PHF24: variants seen among roughly 807,000 people sequenced by gnomAD.
The protein encoded by PHF24 is PHD finger protein 24.
PHF24 carries 25 observed loss-of-function variants against 42.6 expected under a neutral mutation model. The observed-to-expected ratio is 0.59, with a 90% CI of 0.43 to 0.82. The LOEUF is 0.82. Ranked by LOEUF, PHF24 falls within the 40% of genes least tolerant of loss-of-function variation. The pLI is 0.00. For synonymous variants in PHF24, 185 were observed against 204.8 expected, an observed-to-expected ratio of 0.90 and a Z score of 0.83; for missense variants, 470 against 538.1, an observed-to-expected ratio of 0.87 and a Z score of 1.25.
the PHF24 span, among the ~76,000 whole-genome samples, chr9:34,749,920 A>AATAATATG: frequency 1.3e-5 from 2 of 152,164 alleles, no homozygotes; most frequent in African/African-American, 4.8e-5. Context: ...GGCAGGAGAG[A>AATAATATG]ATAATATGAC....
the PHF24 span, among the ~76,000 whole-genome samples, chr9:34,675,150 G>A: frequency 2.0e-5 from 3 of 152,196 alleles, no homozygotes; most frequent in Admixed American, 1.3e-4. Flanking sequence ...GAGCCACTGC[G>A]CTGGGCAGGT....
chr9:34,969,995 T>A (rs1826917659), intron 1 of PHF24, among the ~76,000 whole-genome samples: 1 of 152,180 alleles, frequency 6.6e-6, no homozygotes, highest in African/African-American at 2.4e-5. Context: ...ACTTCTTTGG[T>A]TTCTAATATT....
chr9:34,970,210 G>T (rs1449164055), intron 1 of PHF24, among the ~76,000 whole-genome samples: 3 of 152,202 alleles, frequency 2.0e-5, no homozygotes, highest in African/African-American at 7.2e-5. Flanking sequence ...TAGCAGACCA[G>T]CTTTGCAATG....
chr9:34,824,237 A>G, the PHF24 span, among the ~76,000 whole-genome samples: 1 of 152,158 alleles, frequency 6.6e-6, no homozygotes, highest in Admixed American at 6.5e-5. Flanking sequence ...AGGGTCACAG[A>G]GTCTGGGGGC....
the PHF24 span, among the ~76,000 whole-genome samples, chr9:34,742,942 ATGTAT>A: frequency 0.78 from 118,163 of 151,506 alleles, 46,718 homozygotes; most frequent in East Asian, 0.95. Flanking sequence ...CCATTTGTTG[ATGTAT>A]TGTCTGTGGC....
the PHF24 span, among the ~76,000 whole-genome samples, chr9:34,680,211 C>T: frequency 1.3e-5 from 2 of 152,126 alleles, no homozygotes; most frequent in East Asian, 3.9e-4. Flanking sequence ...CCCATCTCTA[C>T]TAAAAATACA....
chr9:34,771,432 C>T, the PHF24 span, among the ~76,000 whole-genome samples: 1 of 152,160 alleles, frequency 6.6e-6, no homozygotes, highest in African/African-American at 2.4e-5. Flanking sequence ...TACGAGACCA[C>T]CATTGTGTAT....
chr9:34,976,125 AC>A, intron 3 of PHF24, 26 bp from the exon 4 acceptor site: 1 of 1,578,150 alleles, frequency 6.3e-7, no homozygotes, highest in Non-Finnish European at 8.7e-7. Flanking sequence ...CTGTATGGCC[AC>A]CGACTCAGCT....
the PHF24 span, among the ~76,000 whole-genome samples, chr9:34,860,889 G>A: frequency 3.3e-4 from 50 of 152,258 alleles, no homozygotes; most frequent in Middle Eastern, 3.4e-3. Flanking sequence ...AAGCAGCCAT[G>A]GACTGTGATC....
chr9:34,898,627 C>A, the PHF24 span, among the ~76,000 whole-genome samples: 1 of 152,196 alleles, frequency 6.6e-6, no homozygotes, highest in Non-Finnish European at 1.5e-5. Context: ...AATTAAAAGG[C>A]AGCTTGAGTC....
the PHF24 span, among the ~76,000 whole-genome samples, chr9:34,904,737 A>G: frequency 2.8e-5 from 4 of 143,042 alleles, no homozygotes; most frequent in Non-Finnish European, 6.1e-5. Flanking sequence ...TGCCAGCTTC[A>G]TAGAATGAAT....
the PHF24 span, among the ~76,000 whole-genome samples, chr9:34,801,381 C>A: frequency 6.6e-6 from 1 of 152,140 alleles, no homozygotes. Flanking sequence ...ATAGCAAAGA[C>A]TTGGAACCAA....
At chr9:34,906,326 G>A in the PHF24 span, among the ~76,000 whole-genome samples, 1 of 152,066 alleles carries the variant, frequency 6.6e-6, no homozygotes, top group Non-Finnish European at 1.5e-5. Flanking sequence ...GTACATGAAG[G>A]GTATACATTG....
At chr9:34,872,519 C>T in the PHF24 span, among the ~76,000 whole-genome samples, 29,078 of 150,904 alleles carry the variant, frequency 0.19, 3,010 homozygotes, top group South Asian at 0.29. Context: ...ACCCATGTCC[C>T]TACAAAGGAC....
the PHF24 span, among the ~76,000 whole-genome samples, chr9:34,810,510 G>T: frequency 6.6e-6 from 1 of 152,158 alleles, no homozygotes; most frequent in Non-Finnish European, 1.5e-5. Context: ...ATGGAAGACC[G>T]CCTGGGAACA....
the PHF24 span, among the ~76,000 whole-genome samples, chr9:34,878,411 C>T: frequency 1.3e-5 from 2 of 152,236 alleles, no homozygotes; most frequent in East Asian, 1.9e-4. Flanking sequence ...TGAAGCAGGG[C>T]GGGGCATTGC....
the PHF24 span, among the ~76,000 whole-genome samples, chr9:34,863,230 G>A: frequency 6.6e-6 from 1 of 152,168 alleles, no homozygotes; most frequent in Non-Finnish European, 1.5e-5. Flanking sequence ...ACACAAGCCT[G>A]GCTGGCTTTA....
the PHF24 span, among the ~76,000 whole-genome samples, chr9:34,786,045 C>T: frequency 1.3e-5 from 2 of 152,118 alleles, no homozygotes; most frequent in South Asian, 4.2e-4. Flanking sequence ...TTCTTTACTG[C>T]CATATCTCCA....
intron 1 of PHF24, among the ~76,000 whole-genome samples, chr9:34,964,909 C>T (rs1826716685): frequency 6.6e-6 from 1 of 152,184 alleles, no homozygotes; most frequent in South Asian, 2.1e-4. Context: ...CTGACAGCCA[C>T]ATAATTCTTG....
Sources: gnomAD v4.1 joint callset for allele counts (sites outside exome capture counted in the v4.1 genomes callset) on GRCh38, gnomAD v4.1.1 for gene constraint, MANE v1.5 for transcripts, NCBI Gene and HGNC (gene_info 2026-07-23, HGNC 2026-07-21) for gene names.